Variants in SARS2 observed in about 807,000 individuals in gnomAD.
The protein encoded by SARS2 is seryl-tRNA synthetase 2, mitochondrial.
A neutral mutation model predicts 66.8 loss-of-function variants in SARS2; 52 were observed. The ratio of observed to expected loss-of-function variants is 0.78; its 90% CI spans 0.62 to 0.98. The LOEUF is 0.98. SARS2 is among the 50% of genes least tolerant of loss of function. The pLI is 0.00. For synonymous variants in SARS2, 306 were observed against 281.4 expected (o/e 1.09, Z -0.87); for missense variants, 673 against 706.3 (o/e 0.95, Z 0.53).
Position 38,915,862 on chromosome 19 carries a change from G to A in SARS2, c.1392C>T (p.Leu464=), listed in dbSNP as rs1171199172. ...TCACCTTCTGCTGGTTACTCTCCAG[G>A]AGCGCGATGAGAAGGCGGGGGACAG... The part of the protein sequence containing the change: ...ACAVPRLLIA[L]LESNQQKDGS... The change falls in exon 15 of 16, where the codon CTC becomes CTT. Residue 464 remains leucine, a synonymous_variant. Transcript: ENST00000221431. The A allele has an allele frequency of 3.1e-6, 5 of 1,613,882 alleles. No individual in the cohort carries two copies. The highest frequency in any genetic ancestry group is 4.2e-6 in the Non-Finnish European group (5 of 1,180,004).
At chr19:38,927,168 C>A (rs1974642126) in intron 1 of SARS2, among the ~76,000 whole-genome samples, 2 of 151,956 alleles carry the variant, frequency 1.3e-5, no homozygotes, top group African/African-American at 4.8e-5. Context: ...GAATTCCCGG[C>A]CTCACGCAAT....
In SARS2 at chr19:38,926,314, A is replaced by G. The variant is rs1974627411; in HGVS notation, c.268-14T>C. The G allele has an allele frequency of 6.2e-7, 1 of 1,601,508 alleles. No homozygotes were observed. Among genetic ancestry groups the G allele is most frequent in the Admixed American group, 1.7e-5 (1 of 59,984 alleles). Reference sequence around the variant, plus strand: ...CCATGTCGAGATCTGGGGTGGATATAAGAGAAAAGGAGATGAAGCAGCCAT... The same window carrying G: ...CCATGTCGAGATCTGGGGTGGATATGAGAGAAAAGGAGATGAAGCAGCCAT... On this transcript the variant is annotated splice_polypyrimidine_tract_variant and intron_variant, in intron 1 of 15. Coordinates refer to ENST00000221431, the MANE Select transcript of SARS2 (RefSeq NM_017827.4).
intron 12 of SARS2, among the ~76,000 whole-genome samples, chr19:38,917,323 G>A (rs1974435077): frequency 6.6e-6 from 1 of 152,208 alleles, no homozygotes; most frequent in Non-Finnish European, 1.5e-5. Context: ...AGCCTCTCTT[G>A]AAAGCTGCGT....
At chr19:38,922,071 A>T (rs563335096) in intron 3 of SARS2, 167 bp downstream of exon 3, 1 of 1,576,166 alleles carries the variant, frequency 6.3e-7, no homozygotes, top group African/African-American at 1.4e-5. Context: ...ACCTGGATCC[A>T]GCCGCACCTG....
intron 6 of SARS2, 72 bp from the exon 7 acceptor site, chr19:38,919,939 G>A: frequency 6.9e-7 from 1 of 1,447,772 alleles, no homozygotes; most frequent in Non-Finnish European, 9.6e-7. Flanking sequence ...AAACACCCGG[G>A]GGAAGAGGCC....
Position 38,916,234 on chromosome 19 carries a change from C to A in SARS2, c.1241G>T (p.Gly414Val), listed in dbSNP as rs907012545. The change falls in exon 13 of 16, where the codon GGC becomes GTC. Residue 414 changes from glycine (G) to valine (V), a missense_variant. Coordinates refer to ENST00000221431, the MANE Select transcript of SARS2 (RefSeq NM_017827.4). Reference protein sequence around the residue: ...FDIEAWMPGRGRFGEVTSASN... With the variant: ...FDIEAWMPGRVRFGEVTSASN... ...CACAGGGCTCACCTCTCCAAAGCGG[C>A]CTCGGCCTGGCATCCAGGCCTCAAT... 1.2e-6 allele frequency: 2 copies of A among 1,613,946 alleles called. No individual in the cohort carries two copies. Among genetic ancestry groups the A allele is most frequent in the African/African-American group, 2.7e-5 (2 of 74,936 alleles).
In SARS2 at chr19:38,921,608, G is replaced by C; in HGVS notation, c.453C>G (p.His151Gln). The stretch of plus-strand genomic sequence containing the variant: ...CAAGCTGGGCCTCCCTGGGGTACAG[G>C]TGAACAAGCTCCTTCCGGATCTCCC... Reference protein sequence around the residue: ...RGREIRKELVHLYPREAQLEE... With the variant: ...RGREIRKELVQLYPREAQLEE... Residue 151 changes from histidine to glutamine, a missense_variant, in exon 4 of 16, where the codon CAC (histidine) becomes CAG (glutamine). His to Gln is a conservative substitution (Grantham distance 24). Coordinates refer to ENST00000221431, the MANE Select transcript of SARS2 (RefSeq NM_017827.4). 1 of 1,614,234 alleles carries C rather than the reference G, an allele frequency of 6.2e-7. No individual in the cohort carries two copies. The highest frequency in any genetic ancestry group is 8.5e-7 in the Non-Finnish European group (1 of 1,180,034).
At chr19:38,916,156 C>T (rs771462570) in intron 13 of SARS2, 27 bp from the exon 14 acceptor site, 17 of 1,613,386 alleles carry the variant, frequency 1.1e-5, no homozygotes, top group African/African-American at 1.3e-5. Context: ...GCAGGCTGAG[C>T]GGATCAGGGA....
intron 1 of SARS2, chr19:38,928,409 C>G (rs1974665839): frequency 1.1e-5 from 1 of 87,334 alleles, no homozygotes. Context: ...CAAAAACACA[C>G]CCCTGGCCCC....
chr19:38,921,787 A>G, intron 3 of SARS2, 120 bp from the exon 4 acceptor site: 2 of 1,453,026 alleles, frequency 1.4e-6, no homozygotes, highest in South Asian at 1.3e-5. Flanking sequence ...CTCCAGGCCC[A>G]GGATCCTGAA....
In SARS2 at chr19:38,919,926, T is replaced by C. The variant is rs900611825; in HGVS notation, c.654-59A>G. On this transcript the variant is annotated intron_variant, in intron 6 of 15. Transcript: ENST00000221431. ...GCCAGGCTGGCAGGGAATGTGGGGA[T>C]GAAAACACCCGGGGGAAGAGGCCCG... is the stretch of plus-strand genomic sequence containing the variant. 9 of 1,506,748 alleles carry C rather than the reference T, an allele frequency of 6.0e-6. No homozygotes were observed. In the South Asian group the frequency reaches 1.0e-4, roughly 17 times the overall value. 93.3% of individuals were successfully genotyped at this position (1,506,748 alleles called of 1,614,324 possible).
Position 38,930,587 on chromosome 19 carries a change from C to A in SARS2, c.150G>T (p.Glu50Asp). 6.2e-7 allele frequency: 1 copy of A among 1,614,016 alleles called. No homozygotes were observed. Among genetic ancestry groups the A allele is most frequent in the Non-Finnish European group, 8.5e-7 (1 of 1,180,012 alleles). Residue 50 changes from glutamate (E) to aspartate (D), a missense_variant, in exon 1 of 16, where the codon GAG (glutamate) becomes GAT (aspartate). Physicochemically the swap from Glu to Asp is conservative, Grantham distance 45. Coordinates refer to ENST00000221431, the MANE Select transcript of SARS2 (RefSeq NM_017827.4). Reference protein sequence around the residue: ...NRNLLYEYAREGYSALPQLDI... With the variant: ...NRNLLYEYARDGYSALPQLDI... ...CCAGCTGAGGGAGTGCGCTGTAGCC[C>A]TCGCGCGCATACTCGTACAGGAGGT...
chr19:38,915,990 G>C, intron 14 of SARS2, 47 bp downstream of exon 14: 1 of 1,612,448 alleles, frequency 6.2e-7, no homozygotes, highest in Non-Finnish European at 8.5e-7. Flanking sequence ...TAGGGCGGCA[G>C]AGGCTGCGGG....
intron 12 of SARS2, 74 bp from the exon 13 acceptor site, chr19:38,916,388 G>C: frequency 1.5e-6 from 2 of 1,348,124 alleles, no homozygotes; most frequent in South Asian, 1.2e-5. Flanking sequence ...TGGAAACGAT[G>C]GAAGAGAAGG....
In SARS2 at chr19:38,920,075, G is replaced by T. The variant is rs1417695715; in HGVS notation, c.653+11C>A. ...GGGAGAGGGGCGTGGGGAGCCAGGG[G>T]AGGGGCTCACTTCTGACGGATGATG... On this transcript the variant is annotated intron_variant, in intron 6 of 15. Transcript: ENST00000221431. 1 of 1,557,978 alleles carries T rather than the reference G, an allele frequency of 6.4e-7. No individual in the cohort carries two copies. The highest frequency in any genetic ancestry group is 1.9e-5 in the Admixed American group (1 of 51,640).
rs142446687 is a variant in SARS2 at position 38,930,601 on chromosome 19, C to T, written c.136G>A (p.Glu46Lys). The change falls in exon 1 of 16, where the codon GAG (glutamate) becomes AAG (lysine). Residue 46 changes from glutamate to lysine, a missense_variant. Transcript: ENST00000221431. ...TEKRNRNLLY[E>K]YAREGYSALP... ...GCGCTGTAGCCCTCGCGCGCATACT[C>T]GTACAGGAGGTTCCGGTTTCGTTTC... The T allele has an allele frequency of 3.6e-4, 579 of 1,614,124 alleles. 1 individual carries two copies. Among genetic ancestry groups the T allele is most frequent in the Middle Eastern group, 1.2e-3 (7 of 6,062 alleles).
At chr19:38,920,980 AACACAG>A (rs1399270925) in intron 5 of SARS2, among the ~76,000 whole-genome samples, 1 of 138,228 alleles carries the variant, frequency 7.2e-6, no homozygotes, top group Non-Finnish European at 1.6e-5. Flanking sequence ...GACACACACA[AACACAG>A]ACACACACAC....
At chr19:38,926,554 G>A (rs1390139637) in intron 1 of SARS2, among the ~76,000 whole-genome samples, 1 of 152,214 alleles carries the variant, frequency 6.6e-6, no homozygotes, top group Non-Finnish European at 1.5e-5. Flanking sequence ...GGGAGGCCAA[G>A]GTGGGTGGAT....
At chr19:38,921,180 C>T (rs551697212) in intron 5 of SARS2, among the ~76,000 whole-genome samples, 15 of 152,272 alleles carry the variant, frequency 9.9e-5, no homozygotes, top group Non-Finnish European at 1.8e-4. Context: ...TGAGACTGCC[C>T]AATGGTGAAG....
Sources: allele counts gnomAD v4.1 joint callset (sites outside exome capture counted in the v4.1 genomes callset), GRCh38; gene constraint gnomAD v4.1.1; transcripts MANE v1.5; gene names NCBI Gene and HGNC (gene_info 2026-07-23, HGNC 2026-07-21).